Variants in TRAPPC10 observed in about 807,000 individuals in gnomAD.
The protein encoded by TRAPPC10 is trafficking protein particle complex subunit 10, also known as TRAPP 130 kDa subunit.
Under a neutral mutation model 125.5 loss-of-function variants are expected in TRAPPC10, and 23 were observed. The ratio of observed to expected loss-of-function variants is 0.18; its 90% CI spans 0.13 to 0.26. The LOEUF is 0.26. Among genes scored for constraint, TRAPPC10 ranks in the 10% least tolerant of loss-of-function variants. The probability of loss-of-function intolerance (pLI) is 1.00; values close to 1 mark genes in which losing one functional copy is unlikely to be tolerated. For synonymous variants in TRAPPC10, 509 were observed against 518.0 expected (o/e 0.98, Z 0.24); for missense variants, 1,123 against 1,308.4 (o/e 0.86, Z 2.19).
chr21:44,021,038 A>C (rs1440902468), intron 1 of TRAPPC10, among the ~76,000 whole-genome samples: 1 of 152,252 alleles, frequency 6.6e-6, no homozygotes, highest in Non-Finnish European at 1.5e-5. Context: ...TAATTAAATA[A>C]AAATGTCACT....
chr21:44,094,965 T>A (rs1034103497), intron 20 of TRAPPC10, among the ~76,000 whole-genome samples: 1 of 151,146 alleles, frequency 6.6e-6, no homozygotes, highest in Non-Finnish European at 1.5e-5. Context: ...TTAAATAAAT[T>A]TAAATGAATA....
intron 1 of TRAPPC10, among the ~76,000 whole-genome samples, chr21:44,024,519 G>C (rs990091775): frequency 6.6e-6 from 1 of 152,122 alleles, no homozygotes; most frequent in South Asian, 2.1e-4. Context: ...TCAACAACAG[G>C]ACTAGTGAAC....
intron 5 of TRAPPC10, among the ~76,000 whole-genome samples, chr21:44,058,124 G>A (rs1301550486): frequency 6.6e-6 from 1 of 152,176 alleles, no homozygotes; most frequent in Non-Finnish European, 1.5e-5. Context: ...AGGAAGTGAC[G>A]CATATGCTAG....
intron 1 of TRAPPC10, among the ~76,000 whole-genome samples, chr21:44,031,832 T>C (rs2033605615): frequency 6.6e-6 from 1 of 152,212 alleles, no homozygotes; most frequent in Non-Finnish European, 1.5e-5. Flanking sequence ...GTTCTTCACC[T>C]TCTCTGATCC....
chr21:44,075,266 T>A, intron 9 of TRAPPC10, 113 bp downstream of exon 9: 1 of 717,158 alleles, frequency 1.4e-6, no homozygotes, highest in Non-Finnish European at 2.4e-6. Flanking sequence ...ACTCACCATT[T>A]GGAAAATTAT....
chr21:44,050,315 C>T (rs1877666796), intron 3 of TRAPPC10, among the ~76,000 whole-genome samples: 1 of 151,102 alleles, frequency 6.6e-6, no homozygotes, highest in South Asian at 2.1e-4. Context: ...TGCAAATTGA[C>T]TGAGCAGAGC....
chr21:44,059,463 A>G lies in TRAPPC10; in HGVS notation c.790+249A>G. On this transcript the variant is annotated intron_variant, in intron 6 of 22. Transcript: ENST00000291574. The surrounding 1 kb of genome is among the most constrained non-coding windows in gnomAD (Gnocchi z 4.4). ...TAATAATTTAAAAAAACTGTTTTCC[A>G]GGTATAAAATGTCCTTTCCACAACT... 3 of 736,914 alleles carry G rather than the reference A, an allele frequency of 4.1e-6. No homozygotes were observed. Among genetic ancestry groups the G allele is most frequent in the South Asian group, 1.5e-5 (1 of 67,850 alleles). The allele number at this position is 736,914 out of a possible 1,614,324, so 45.6% of individuals were successfully genotyped here. A position where few individuals can be genotyped will look rare whatever the true frequency, so the allele number is the denominator to read the frequency against.
At chr21:44,027,788 G>C (rs2033204269) in intron 1 of TRAPPC10, among the ~76,000 whole-genome samples, 1 of 152,150 alleles carries the variant, frequency 6.6e-6, no homozygotes, top group African/African-American at 2.4e-5. Flanking sequence ...GGGCCTTTGG[G>C]AGGTGATTAG....
chr21:44,027,036 C>G (rs898805083), intron 1 of TRAPPC10, among the ~76,000 whole-genome samples: 1 of 152,210 alleles, frequency 6.6e-6, no homozygotes, highest in Admixed American at 6.5e-5. Context: ...GGTTGAAACA[C>G]TCCACATGTC....
Position 44,079,617 on chromosome 21 carries a change from A to T in TRAPPC10, c.1523A>T (p.Asn508Ile), listed in dbSNP as rs2037535728. ...ATCTATCTTCAAGGAGCACTGAAAA[A>T]CTACCTGGCTGAGGGCTGGGCACTC... is the stretch of plus-strand genomic sequence containing the variant. Reference protein sequence around the residue: ...AEIYLQGALKNYLAEGWALPI... With the variant: ...AEIYLQGALKIYLAEGWALPI... The change falls in exon 12 of 23, where the codon AAC (asparagine) becomes ATC (isoleucine). Residue 508 changes from asparagine (N) to isoleucine (I), a missense_variant. Transcript: ENST00000291574. 6.2e-7 allele frequency: 1 copy of T among 1,608,104 alleles called. No homozygotes were observed. Among genetic ancestry groups the T allele is most frequent in the Admixed American group, 1.7e-5 (1 of 57,798 alleles).
rs779654934 is a variant in TRAPPC10 at position 44,037,780 on chromosome 21, A to G, written c.150-12A>G. ...AGTTGTTTTCTCAGTGACTTCAAAC[A>G]ATTGTTTACAGGTCCTATGGCCGGG... On this transcript the variant is annotated splice_polypyrimidine_tract_variant and intron_variant, in intron 2 of 22. Transcript: ENST00000291574. The G allele has an allele frequency of 1.8e-5, 29 of 1,607,444 alleles. No homozygotes were observed. The highest frequency in any genetic ancestry group is 4.0e-5 in the African/African-American group (3 of 74,490).
At chr21:44,067,713 AG>A (rs2036554500) in intron 7 of TRAPPC10, among the ~76,000 whole-genome samples, 1 of 152,138 alleles carries the variant, frequency 6.6e-6, no homozygotes, top group Admixed American at 6.5e-5. Context: ...GGGGACTGTA[AG>A]GGAGGGAAAG....
At position 44,077,732 on chromosome 21, in the gene TRAPPC10, G is replaced by A. The variant is rs2037391843; in HGVS notation, c.1417G>A (p.Gly473Arg). Residue 473 changes from glycine to arginine, a missense_variant, in exon 11 of 23, where the codon GGG (glycine) becomes AGG (arginine). Physicochemically the swap from Gly to Arg is moderately radical, Grantham distance 125. Around this residue, in one of 4 missense-constraint regions of TRAPPC10, gnomAD observed 840 missense variants for 902.0 expected, o/e 0.93. Transcript: ENST00000291574. ...CACCATTGAAATGTATACAAGCATTGGGAGGATTCGATCTGCTAAGTTTGT... is the reference window on the plus strand; with the variant it reads ...CACCATTGAAATGTATACAAGCATTAGGAGGATTCGATCTGCTAAGTTTGT... ...HATIEMYTSIGRIRSAKFVGK... is the reference protein window; with the variant it reads ...HATIEMYTSIRRIRSAKFVGK... 6.2e-7 allele frequency: 1 copy of A among 1,610,472 alleles called. No homozygotes were observed. Among genetic ancestry groups the A allele is most frequent in the Non-Finnish European group, 8.5e-7 (1 of 1,177,940 alleles).
intron 1 of TRAPPC10, among the ~76,000 whole-genome samples, chr21:44,013,184 A>G (rs763013273): frequency 1.4e-4 from 21 of 151,286 alleles, no homozygotes; most frequent in Non-Finnish European, 2.1e-4. Flanking sequence ...GCTCGAGTCT[A>G]CACTACGGAC....
Position 44,063,654 on chromosome 21 carries a change from C to G in TRAPPC10, c.907C>G (p.Leu303Val), listed in dbSNP as rs1227552409. 6.2e-7 allele frequency: 1 copy of G among 1,614,236 alleles called. No homozygotes were observed. The highest frequency in any genetic ancestry group is 1.6e-4 in the Middle Eastern group (1 of 6,062). The change falls in exon 7 of 23, where the codon CTG (leucine) becomes GTG (valine). Residue 303 changes from leucine to valine, a missense_variant. Physicochemically the swap from Leu to Val is conservative, Grantham distance 32. This residue lies in a region of TRAPPC10 where 91 missense variants were observed against 127.1 expected (regional missense o/e 0.72). Transcript: ENST00000291574. This position sits in a 1 kb window ranked among gnomAD's most constrained non-coding sequence, Gnocchi z 4.4. The part of the protein sequence containing the change: ...RESIQRREAT[L>V]LDLRSYLFSR... ...ATCGATCCAGAGGCGAGAAGCCACC[C>G]TGTTAGATCTGCGCAGTTACCTGTT... is the stretch of plus-strand genomic sequence containing the variant.
intron 1 of TRAPPC10, among the ~76,000 whole-genome samples, chr21:44,029,293 A>G (rs2033365019): frequency 6.6e-6 from 1 of 152,048 alleles, no homozygotes; most frequent in South Asian, 2.1e-4. Context: ...ACGGGGTTTC[A>G]CCGTGTTGTC....
chr21:44,081,369 G>A (rs556017684), intron 13 of TRAPPC10, among the ~76,000 whole-genome samples: 1 of 151,884 alleles, frequency 6.6e-6, no homozygotes, highest in African/African-American at 2.4e-5. Flanking sequence ...ATATTGCCCA[G>A]GCTGGTCTTT....
intron 1 of TRAPPC10, among the ~76,000 whole-genome samples, chr21:44,012,819 ACT>A (rs997040474): frequency 6.6e-6 from 1 of 151,258 alleles, no homozygotes; most frequent in African/African-American, 2.4e-5. Context: ...AACCCGGCGG[ACT>A]CTGCCCGGGA....
At chr21:44,033,951 A>G (rs946492876) in intron 2 of TRAPPC10, among the ~76,000 whole-genome samples, 1 of 152,188 alleles carries the variant, frequency 6.6e-6, no homozygotes, top group Non-Finnish European at 1.5e-5. Context: ...CTACATAAAT[A>G]CTAAACAAAT....
Sources: gnomAD v4.1 joint callset for allele counts (sites outside exome capture counted in the v4.1 genomes callset) on GRCh38, gnomAD v4.1.1 for gene constraint, gnomAD v4.1.1 regional missense constraint, Gnocchi (gnomAD v3.1) non-coding constraint, MANE v1.5 for transcripts, NCBI Gene and HGNC (gene_info 2026-07-23, HGNC 2026-07-21) for gene names.